TNFSF4: variants seen among roughly 807,000 people sequenced by gnomAD.
TNFSF4 encodes the protein TNF superfamily member 4.
In TNFSF4, 4 loss-of-function variants were observed where a neutral mutation model predicts 7.3. The observed-to-expected ratio is 0.55, with a 90% CI of 0.27 to 1.25. The LOEUF (loss-of-function observed/expected upper bound fraction) is 1.25, where lower values mean the gene tolerates loss of function less well. Among genes scored for constraint, TNFSF4 ranks in the 50% most tolerant of loss-of-function variants. The pLI is 0.12. For synonymous variants in TNFSF4, 76 were observed against 83.7 expected (o/e 0.91, Z 0.50); for missense variants, 181 against 208.8 (o/e 0.87, Z 0.82).
the TNFSF4 span, among the ~76,000 whole-genome samples, chr1:173,391,886 A>T: frequency 6.6e-6 from 1 of 152,222 alleles, no homozygotes; most frequent in African/African-American, 2.4e-5. Context: ...AAAAAGCAGG[A>T]CCTTGTAAAC....
chr1:173,391,009 G>T, the TNFSF4 span, among the ~76,000 whole-genome samples: 4 of 151,996 alleles, frequency 2.6e-5, no homozygotes, highest in East Asian at 1.9e-4. Flanking sequence ...GCCTCCCAAA[G>T]TGCTGGGATT....
chr1:173,407,837 T>C, the TNFSF4 span, among the ~76,000 whole-genome samples: 749 of 152,202 alleles, frequency 4.9e-3, 7 homozygotes, highest in African/African-American at 0.015. Flanking sequence ...TTTTATCCCC[T>C]ACAAAATTCA....
At chr1:173,300,986 C>G in the TNFSF4 span, among the ~76,000 whole-genome samples, 2 of 151,798 alleles carry the variant, frequency 1.3e-5, no homozygotes, top group African/African-American at 4.8e-5. Context: ...CGAATGATAA[C>G]CATTCTTACA....
At chr1:173,418,022 C>A in the TNFSF4 span, 1 of 151,732 alleles carries the variant, frequency 6.6e-6, no homozygotes, top group African/African-American at 2.4e-5. Context: ...AAGAGAAGAG[C>A]CCCTCTTCTG....
the TNFSF4 span, among the ~76,000 whole-genome samples, chr1:173,369,750 A>G: frequency 6.6e-6 from 1 of 152,194 alleles, no homozygotes; most frequent in African/African-American, 2.4e-5. Flanking sequence ...TGGCCACCTG[A>G]AGGGAGCATA....
chr1:173,332,088 C>T, the TNFSF4 span, among the ~76,000 whole-genome samples: 1 of 152,148 alleles, frequency 6.6e-6, no homozygotes, highest in African/African-American at 2.4e-5. Context: ...AGAAACCCTG[C>T]CTCAGACAAA....
At chr1:173,207,601 A>G (rs1221755511), upstream of TNFSF4, among the ~76,000 whole-genome samples, 1 of 152,218 alleles carries the variant, frequency 6.6e-6, no homozygotes, top group Non-Finnish European at 1.5e-5. Flanking sequence ...CCGTTAATGT[A>G]GCAGCTCATA....
chr1:173,281,836 TATTAAC>T, the TNFSF4 span, among the ~76,000 whole-genome samples: 1 of 152,208 alleles, frequency 6.6e-6, no homozygotes, highest in Non-Finnish European at 1.5e-5. Flanking sequence ...ATGAGGGACA[TATTAAC>T]ATTATCTATT....
At chr1:173,192,233 C>T (rs900957523) in intron 1 of TNFSF4, among the ~76,000 whole-genome samples, 1 of 152,142 alleles carries the variant, frequency 6.6e-6, no homozygotes, top group Non-Finnish European at 1.5e-5. Flanking sequence ...CTCTGTATTC[C>T]CATACAAGTA....
chr1:173,427,956 T>A, the TNFSF4 span, among the ~76,000 whole-genome samples: 1 of 104,424 alleles, frequency 9.6e-6, no homozygotes, highest in Non-Finnish European at 1.8e-5. Flanking sequence ...TTATAATCTT[T>A]TTTTTTTTTT....
At chr1:173,309,652 T>C in the TNFSF4 span, among the ~76,000 whole-genome samples, 1 of 151,878 alleles carries the variant, frequency 6.6e-6, no homozygotes, top group African/African-American at 2.4e-5. Context: ...TTCCTTTCTT[T>C]AATGTCCTTA....
the TNFSF4 span, among the ~76,000 whole-genome samples, chr1:173,279,947 G>A: frequency 6.6e-6 from 1 of 151,984 alleles, no homozygotes; most frequent in African/African-American, 2.4e-5. Flanking sequence ...TCCATTGTCT[G>A]TGAGGCCTTT....
At chr1:173,325,156 C>A in the TNFSF4 span, among the ~76,000 whole-genome samples, 1 of 152,130 alleles carries the variant, frequency 6.6e-6, no homozygotes, top group Non-Finnish European at 1.5e-5. Flanking sequence ...GAAATTATAA[C>A]AAACTATCTC....
intron 1 of TNFSF4, chr1:173,205,635 A>G (rs1650155487): frequency 4.8e-6 from 5 of 1,040,664 alleles, no homozygotes; most frequent in Middle Eastern, 4.2e-4. Context: ...AGACTGGTGA[A>G]TGCACTCAGC....
At chr1:173,420,935 A>G in the TNFSF4 span, among the ~76,000 whole-genome samples, 2 of 152,194 alleles carry the variant, frequency 1.3e-5, no homozygotes, top group African/African-American at 4.8e-5. Context: ...ATTAATAACA[A>G]CTATTATACT....
the TNFSF4 span, among the ~76,000 whole-genome samples, chr1:173,391,913 C>A: frequency 5.9e-5 from 9 of 152,118 alleles, no homozygotes; most frequent in African/African-American, 2.2e-4. Context: ...TTTACGTAAG[C>A]CAGAATGCTC....
At chr1:173,227,738 T>C in the TNFSF4 span, among the ~76,000 whole-genome samples, 1 of 152,206 alleles carries the variant, frequency 6.6e-6, no homozygotes, top group Non-Finnish European at 1.5e-5. Context: ...ACTCCCACCC[T>C]AATACTGTGC....
the TNFSF4 span, among the ~76,000 whole-genome samples, chr1:173,279,980 TG>T: frequency 6.6e-6 from 1 of 152,264 alleles, no homozygotes; most frequent in Middle Eastern, 3.4e-3. Context: ...TCTGCCAAAC[TG>T]TAGCCTCATC....
At chr1:173,209,998 T>C (rs1248034910), upstream of TNFSF4, among the ~76,000 whole-genome samples, 1 of 151,752 alleles carries the variant, frequency 6.6e-6, no homozygotes, top group African/African-American at 2.4e-5. Context: ...ACTCACAAGA[T>C]ACCTCATGTT....
Sources: allele counts gnomAD v4.1 joint callset (sites outside exome capture counted in the v4.1 genomes callset), GRCh38; gene constraint gnomAD v4.1.1; transcripts MANE v1.5; gene names NCBI Gene and HGNC (gene_info 2026-07-23, HGNC 2026-07-21).